The following MMP25 variants were observed in gnomAD, a reference collection of about 807,000 sequenced individuals.
The protein encoded by MMP25 is matrix metallopeptidase 25, also known as matrix metalloproteinase-25.
A neutral mutation model predicts 62.1 loss-of-function variants in MMP25; 68 were observed. That is an observed-to-expected ratio of 1.10 (90% confidence interval 0.90 to 1.34). The LOEUF (loss-of-function observed/expected upper bound fraction) is 1.34, where lower values mean the gene tolerates loss of function less well. Ranked by LOEUF, MMP25 falls within the 40% of genes most tolerant of loss-of-function variation. The pLI is 0.00. For missense variants in MMP25, 942 were observed against 792.5 expected, an observed-to-expected ratio of 1.19 and a Z score of -2.26; for synonymous variants, 407 against 345.6, an observed-to-expected ratio of 1.18 and a Z score of -1.97.
In MMP25 at chr16:3,058,170, G is replaced by T; in HGVS notation, c.1007-11G>T. The stretch of plus-strand genomic sequence containing the variant: ...CTCATGCCTTCCTGCGAACCCCTTT[G>T]TCCCCTGCAGGCCCCTGGTTCTGGC... On this transcript the variant is annotated splice_polypyrimidine_tract_variant and intron_variant, in intron 7 of 9. Coordinates refer to ENST00000336577, the MANE Select transcript of MMP25 (RefSeq NM_022468.5). 6.2e-7 allele frequency: 1 copy of T among 1,611,108 alleles called. No individual in the cohort carries two copies. Among genetic ancestry groups the T allele is most frequent in the Admixed American group, 1.7e-5 (1 of 59,630 alleles).
chr16:3,056,423 G>A (rs73499018), intron 4 of MMP25, among the ~76,000 whole-genome samples: 20,428 of 150,076 alleles, frequency 0.14, 1,454 homozygotes, highest in Admixed American at 0.18. Context: ...TTTTTGAGAC[G>A]GGGCCTTATT....
At position 3,047,456 on chromosome 16, in the gene MMP25, T is replaced by A. The variant is rs201948400; in HGVS notation, c.141T>A (p.Pro47=). The A allele has an allele frequency of 6.2e-7, 1 of 1,613,730 alleles. No homozygotes were observed. The highest frequency in any genetic ancestry group is 8.5e-7 in the Non-Finnish European group (1 of 1,179,892). The change falls in exon 2 of 10, where the codon CCT becomes CCA. Residue 47 remains proline (P), a synonymous_variant. Coordinates refer to ENST00000336577, the MANE Select transcript of MMP25 (RefSeq NM_022468.5). ...ATGGTTACCTGCCGCCACCCCACCCTGCCCAGGCCCAGCTGCAGAGCCCTG... is the reference window on the plus strand; with the variant it reads ...ATGGTTACCTGCCGCCACCCCACCCAGCCCAGGCCCAGCTGCAGAGCCCTG... The part of the protein sequence containing the change: ...TRYGYLPPPH[P]AQAQLQSPEK...
chr16:3,057,937 A>C, intron 7 of MMP25: 1 of 578,562 alleles, frequency 1.7e-6, no homozygotes, highest in Non-Finnish European at 3.0e-6. Flanking sequence ...CTCCTGGCTC[A>C]GGTGATTCTC....
rs757304887 is a variant in MMP25, at chr16:3,059,068, C to T, written c.1659C>T (p.Pro553=). The T allele has an allele frequency of 1.9e-6, 3 of 1,549,592 alleles. No individual in the cohort carries two copies. The highest frequency in any genetic ancestry group is 2.6e-6 in the Non-Finnish European group (3 of 1,146,108). ...WPAPIPLLLL[P]LLVGGVASR is the part of the protein sequence containing the mutation. The stretch of plus-strand genomic sequence containing the variant: ...CTCCCATCCCGCTGCTCCTCTTGCC[C>T]CTGCTGGTGGGGGGTGTAGCCTCCC... Residue 553 remains proline (P), a synonymous_variant, in exon 10 of 10, where the codon CCC becomes CCT. Transcript: ENST00000336577.
At chr16:3,047,932 C>T (rs1180197230) in intron 2 of MMP25, among the ~76,000 whole-genome samples, 2 of 151,674 alleles carry the variant, frequency 1.3e-5, no homozygotes, top group African/African-American at 4.9e-5. Flanking sequence ...CTCTGCCTCC[C>T]AGGTTCAAGT....
At chr16:3,057,988 C>A (rs1956042063) in intron 7 of MMP25, 193 bp from the exon 8 acceptor site, 8 of 644,174 alleles carry the variant, frequency 1.2e-5, no homozygotes, top group East Asian at 1.2e-4. Flanking sequence ...CAGGTCTGAG[C>A]CACCAGGCAA....
chr16:3,047,396 G>T lies in MMP25; in HGVS notation c.100-19G>T. The T allele has an allele frequency of 6.2e-7, 1 of 1,604,814 alleles. No individual in the cohort carries two copies. Among genetic ancestry groups the T allele is most frequent in the Non-Finnish European group, 8.5e-7 (1 of 1,174,166 alleles). On this transcript the variant is annotated intron_variant, in intron 1 of 9. Transcript: ENST00000336577. ...ACTTTTCACCCAGCCCGCTTCACCTGCCCCCTCCGATGCCCTAGGACTGGC... is the reference window on the plus strand; with the variant it reads ...ACTTTTCACCCAGCCCGCTTCACCTTCCCCCTCCGATGCCCTAGGACTGGC...
rs1464134403 is a variant in MMP25 at position 3,058,661 on chromosome 16, G to A, written c.1409G>A (p.Ser470Asn). 2 of 1,599,722 alleles carry A rather than the reference G, an allele frequency of 1.3e-6. No individual in the cohort carries two copies. The highest frequency in any genetic ancestry group is 1.7e-6 in the Non-Finnish European group (2 of 1,172,912). Reference sequence around the variant, plus strand: ...CCCTCCCCTGACGATGTCACCGTCAGCAACGCAGGTGGGGAGCGCGGTGAC... The same window carrying A: ...CCCTCCCCTGACGATGTCACCGTCAACAACGCAGGTGGGGAGCGCGGTGAC... ...APPSPDDVTVSNAGDTYFFKG... is the reference protein window; with the variant it reads ...APPSPDDVTVNNAGDTYFFKG... Residue 470 changes from serine to asparagine, a missense_variant, in exon 9 of 10, where the codon AGC becomes AAC. Transcript: ENST00000336577.
At chr16:3,047,893 G>A (rs150859984) in intron 2 of MMP25, among the ~76,000 whole-genome samples, 9 of 149,780 alleles carry the variant, frequency 6.0e-5, no homozygotes, top group African/African-American at 2.2e-4. Context: ...AGGCTGGAGT[G>A]CAATGGTACC....
At position 3,057,609 on chromosome 16, in the gene MMP25, C is replaced by T. The variant is rs1343685684; in HGVS notation, c.1002C>T (p.Phe334=). The change falls in exon 7 of 10, where the codon TTC becomes TTT. Residue 334 remains phenylalanine, a synonymous_variant. Transcript: ENST00000336577. ...IANIRGETFF[F]KGPWFWRLQP... ...ACATCCGAGGGGAAACTTTCTTCTT[C>T]AAAGGTGAGTCATTTCACTTGGCCT... is the stretch of plus-strand genomic sequence containing the variant. 1.9e-6 allele frequency: 3 copies of T among 1,614,094 alleles called. No homozygotes were observed. Among genetic ancestry groups the T allele is most frequent in the South Asian group, 1.1e-5 (1 of 91,076 alleles).
chr16:3,049,562 G>C (rs1177090443), intron 2 of MMP25, among the ~76,000 whole-genome samples: 1 of 152,212 alleles, frequency 6.6e-6, no homozygotes, highest in Non-Finnish European at 1.5e-5. Flanking sequence ...GGAGGCCAGA[G>C]ACCCAGCCGG....
rs1404200562 is a variant in MMP25, at chr16:3,058,888, C to G, written c.1479C>G (p.Thr493=). The G allele has an allele frequency of 6.4e-6, 10 of 1,555,242 alleles. No individual in the cohort carries two copies. Among genetic ancestry groups the G allele is most frequent in the Non-Finnish European group, 7.8e-6 (9 of 1,149,322 alleles). ...YWRFPKNSIK[T]EPDAPQPMGP... ...GCTTCCCCAAGAACAGCATCAAGAC[C>G]GAGCCGGACGCCCCCCAGCCCATGG... Residue 493 remains threonine, a synonymous_variant, in exon 10 of 10, where the codon ACC becomes ACG. Transcript: ENST00000336577.
chr16:3,050,482 G>A lies in MMP25; in HGVS notation c.597G>A (p.Gly199=), dbSNP rs760655756. Residue 199 remains glycine, a synonymous_variant, in exon 4 of 10, where the codon GGG becomes GGA. Coordinates refer to ENST00000336577, the MANE Select transcript of MMP25 (RefSeq NM_022468.5). ...GGTLAHAFFP[G]EHPISGDTHF... is the part of the protein sequence containing the mutation. ...CCCTAGCCCATGCCTTCTTCCCTGG[G>A]GAGCACCCCATCTCCGGGGACACTC... 6.2e-7 allele frequency: 1 copy of A among 1,606,160 alleles called. No individual in the cohort carries two copies. The highest frequency in any genetic ancestry group is 1.1e-5 in the South Asian group (1 of 90,594).
chr16:3,058,095 G>A lies in MMP25; in HGVS notation c.1007-86G>A, dbSNP rs533846736. 2.0e-4 allele frequency: 309 copies of A among 1,508,170 alleles called. 2 individuals carry two copies. In the African/African-American group the frequency reaches 4.0e-3, roughly 20 times the overall value. The allele number at this position is 1,508,170 out of a possible 1,614,324, so 93.4% of individuals were successfully genotyped here. ...CATTGCGCCCTTGATTTCCAGATGG[G>A]ACCCCTCCCCACCCAGCCACACACC... On this transcript the variant is annotated intron_variant, in intron 7 of 9. Coordinates refer to ENST00000336577, the MANE Select transcript of MMP25 (RefSeq NM_022468.5).
chr16:3,046,864 G>T lies in MMP25; in HGVS notation c.-54G>T, dbSNP rs1307152044. On this transcript the variant is annotated 5_prime_UTR_variant, in exon 1 of 10. Transcript: ENST00000336577. Reference sequence around the variant, plus strand: ...ATCTCCTCCCCCAGGTCCCCGGGGCGGCCCCAGCCAGGCCCCCTTCGAACC... The same window carrying T: ...ATCTCCTCCCCCAGGTCCCCGGGGCTGCCCCAGCCAGGCCCCCTTCGAACC... 3.4e-5 allele frequency: 36 copies of T among 1,062,858 alleles called. No individual in the cohort carries two copies. Among genetic ancestry groups the T allele is most frequent in the Non-Finnish European group, 4.3e-5 (34 of 799,030 alleles). The allele number at this position is 1,062,858 out of a possible 1,614,324, so 65.8% of individuals were successfully genotyped here.
At position 3,050,275 on chromosome 16, in the gene MMP25, C is replaced by G. The variant is rs1955881830; in HGVS notation, c.390C>G (p.Ser130Arg). 6.2e-7 allele frequency: 1 copy of G among 1,603,052 alleles called. No individual in the cohort carries two copies. Among genetic ancestry groups the G allele is most frequent in the Non-Finnish European group, 8.5e-7 (1 of 1,172,562 alleles). The change falls in exon 4 of 10, where the codon AGC (serine) becomes AGG (arginine). Residue 130 changes from serine (S) to arginine (R), a missense_variant. Coordinates refer to ENST00000336577, the MANE Select transcript of MMP25 (RefSeq NM_022468.5). ...LTWRVRSFPQ[S>R]SQLSQETVRV... is the part of the protein sequence containing the mutation. Reference sequence around the variant, plus strand: ...CCAGGGTACGTTCCTTCCCCCAGAGCTCCCAGCTGAGCCAGGAGACCGTGC... The same window carrying G: ...CCAGGGTACGTTCCTTCCCCCAGAGGTCCCAGCTGAGCCAGGAGACCGTGC...
Position 3,057,373 on chromosome 16 carries a change from C to G in MMP25, c.902C>G (p.Pro301Arg). 2 of 1,613,318 alleles carry G rather than the reference C, an allele frequency of 1.2e-6. No homozygotes were observed. Among genetic ancestry groups the G allele is most frequent in the Non-Finnish European group, 1.7e-6 (2 of 1,179,648 alleles). Reference sequence around the variant, plus strand: ...AAACCCCTGGCTCCTCCGCCCCAGCCCCCGGCCTCGCCCACACACAGGTGA... The same window carrying G: ...AAACCCCTGGCTCCTCCGCCCCAGCGCCCGGCCTCGCCCACACACAGGTGA... ...TRKPLAPPPQ[P>R]PASPTHSPSF... Residue 301 changes from proline (P) to arginine (R), a missense_variant, in exon 6 of 10, where the codon CCC (proline) becomes CGC (arginine). Transcript: ENST00000336577.
At chr16:3,056,651 G>A (rs1329327779) in intron 4 of MMP25, 1 of 184,876 alleles carries the variant, frequency 5.4e-6, no homozygotes, top group Non-Finnish European at 1.1e-5. Flanking sequence ...TTGGGCTCAA[G>A]CGATCCTCCC....
intron 4 of MMP25, among the ~76,000 whole-genome samples, chr16:3,056,575 C>A (rs1691823330): frequency 6.6e-6 from 1 of 151,930 alleles, no homozygotes; most frequent in South Asian, 2.1e-4. Context: ...CCACTCCTGG[C>A]CAATTTTTAA....
Sources: allele counts gnomAD v4.1 joint callset (sites outside exome capture counted in the v4.1 genomes callset), GRCh38; gene constraint gnomAD v4.1.1; transcripts MANE v1.5; gene names NCBI Gene and HGNC (gene_info 2026-07-23, HGNC 2026-07-21).